Variants in ERGIC1 observed in about 807,000 individuals in gnomAD.
ERGIC1 encodes endoplasmic reticulum-Golgi intermediate compartment protein 1.
ERGIC1 carries 19 observed loss-of-function variants against 38.3 expected under a neutral mutation model. The ratio of observed to expected loss-of-function variants is 0.50; its 90% CI spans 0.35 to 0.73. The LOEUF is 0.73. Ranked by LOEUF, ERGIC1 falls within the 30% of genes least tolerant of loss-of-function variation. The pLI, the probability that ERGIC1 is intolerant of heterozygous loss-of-function variation, is 0.01. For missense variants in ERGIC1, 294 were observed against 389.2 expected (o/e 0.76, Z 2.06); for synonymous variants, 124 against 157.6 (o/e 0.79, Z 1.60).
rs761914365 is a variant in ERGIC1 at position 172,897,064 on chromosome 5, A to C, written c.145A>C (p.Thr49Pro). 2 of 1,614,002 alleles carry C rather than the reference A, an allele frequency of 1.2e-6. No individual in the cohort carries two copies. The highest frequency in any genetic ancestry group is 1.1e-5 in the South Asian group (1 of 91,070). ...CCTCTCGGAGCTCACCGGATTTATA[A>C]CGACAGAAGTGTAAGTCATACTTTC... is the stretch of plus-strand genomic sequence containing the variant. ...LFLSELTGFI[T>P]TEVVNELYVD... The change falls in exon 3 of 10, where the codon ACG (threonine) becomes CCG (proline). Residue 49 changes from threonine to proline, a missense_variant. Coordinates refer to ENST00000393784, the MANE Select transcript of ERGIC1 (RefSeq NM_001031711.3).
At chr5:172,920,555 A>T in intron 5 of ERGIC1, 1 of 670,048 alleles carries the variant, frequency 1.5e-6, no homozygotes, top group East Asian at 2.7e-5. Flanking sequence ...GTAGGTTCCT[A>T]AGTCACAGGC....
At chr5:172,915,471 G>C (rs1204253035) in intron 5 of ERGIC1, 1 of 429,786 alleles carries the variant, frequency 2.3e-6, no homozygotes, top group South Asian at 1.7e-5. Context: ...AAAGTACCTT[G>C]TCCGCTCAGA....
chr5:172,948,576 T>C (rs1047540846), intron 9 of ERGIC1, among the ~76,000 whole-genome samples: 9 of 152,166 alleles, frequency 5.9e-5, no homozygotes, highest in African/African-American at 1.7e-4. Context: ...ACATGCACTG[T>C]GTGACCTCGG....
In ERGIC1 at chr5:172,926,534, A is replaced by G. The variant is rs373981888; in HGVS notation, c.506A>G (p.Asn169Ser). 34 of 1,613,346 alleles carry G rather than the reference A, an allele frequency of 2.1e-5. No homozygotes were observed. The highest frequency in any genetic ancestry group is 1.6e-4 in the Middle Eastern group (1 of 6,084). ...LQVQNIHGAFNALGGADRLTS... is the reference protein window; with the variant it reads ...LQVQNIHGAFSALGGADRLTS... Reference sequence around the variant, plus strand: ...GTCCAGAACATCCACGGAGCTTTCAATGCTCTCGGGGGAGCAGACAGACTC... The same window carrying G: ...GTCCAGAACATCCACGGAGCTTTCAGTGCTCTCGGGGGAGCAGACAGACTC... The change falls in exon 7 of 10, where the codon AAT becomes AGT. Residue 169 changes from asparagine (N) to serine (S), a missense_variant. Physicochemically the swap from Asn to Ser is conservative, Grantham distance 46. Coordinates refer to ENST00000393784, the MANE Select transcript of ERGIC1 (RefSeq NM_001031711.3). This position sits in a 1 kb window ranked among gnomAD's most constrained non-coding sequence, Gnocchi z 5.2.
chr5:172,924,191 G>T lies in ERGIC1; in HGVS notation c.480+82G>T, dbSNP rs1184823973. ...CACCCAGTGCCCTCTGCCCTCTCTG[G>T]GCACTAGGAAGAGTTACCGTTAAGG... On this transcript the variant is annotated intron_variant, in intron 6 of 9. Transcript: ENST00000393784. The T allele has an allele frequency of 4.5e-6, 6 of 1,324,382 alleles. No individual in the cohort carries two copies. The Admixed American group carries it at 7.5e-5, about 17-fold the overall frequency. 82.0% of individuals were successfully genotyped at this position (1,324,382 alleles called of 1,614,324 possible). A position where few individuals can be genotyped will look rare whatever the true frequency, so the allele number is the denominator to read the frequency against.
intron 1 of ERGIC1, among the ~76,000 whole-genome samples, chr5:172,858,464 T>G (rs2113084160): frequency 6.6e-6 from 1 of 152,162 alleles, no homozygotes; most frequent in South Asian, 2.1e-4. Context: ...TCTGCGCATC[T>G]GCACACTAGG....
chr5:172,915,405 A>G, intron 5 of ERGIC1: 2 of 408,990 alleles, frequency 4.9e-6, no homozygotes, highest in Non-Finnish European at 9.9e-6. Flanking sequence ...AGCATCAGGG[A>G]TGCTAAGTGC....
At chr5:172,907,255 C>T (rs930073214) in intron 3 of ERGIC1, among the ~76,000 whole-genome samples, 3 of 152,224 alleles carry the variant, frequency 2.0e-5, no homozygotes, top group African/African-American at 7.2e-5. Context: ...TGGCTGTGCT[C>T]ATATCAAGCC....
intron 1 of ERGIC1, among the ~76,000 whole-genome samples, chr5:172,878,818 A>T (rs1762212961): frequency 6.6e-6 from 1 of 152,122 alleles, no homozygotes; most frequent in African/African-American, 2.4e-5. Flanking sequence ...GCATGCACAC[A>T]CATACACTAG....
At chr5:172,891,921 G>A (rs768406282) in intron 2 of ERGIC1, among the ~76,000 whole-genome samples, 9 of 152,148 alleles carry the variant, frequency 5.9e-5, no homozygotes, top group Admixed American at 1.3e-4. Flanking sequence ...GCTGACCTAC[G>A]GGGCCTGTGG....
intron 1 of ERGIC1, among the ~76,000 whole-genome samples, chr5:172,880,328 T>G (rs1762250221): frequency 6.6e-6 from 1 of 152,082 alleles, no homozygotes; most frequent in Non-Finnish European, 1.5e-5. Context: ...ATTATTATTT[T>G]ATTTACTTAT....
At chr5:172,872,908 G>A (rs115612689) in intron 1 of ERGIC1, among the ~76,000 whole-genome samples, 3,954 of 152,334 alleles carry the variant, frequency 0.026, 68 homozygotes, top group African/African-American at 0.033. Context: ...GAGGTCAAGG[G>A]ACACTTGGGG....
intron 3 of ERGIC1, among the ~76,000 whole-genome samples, chr5:172,900,809 G>C (rs945589320): frequency 2.0e-5 from 3 of 152,174 alleles, no homozygotes; most frequent in Non-Finnish European, 4.4e-5. Flanking sequence ...GAGGGAGGCA[G>C]AGATGAATAG....
chr5:172,920,247 C>G, intron 5 of ERGIC1: 1 of 706,472 alleles, frequency 1.4e-6, no homozygotes, highest in Non-Finnish European at 2.6e-6. Context: ...TCAAGAGGTG[C>G]TCAAAGAAGC....
intron 5 of ERGIC1, chr5:172,920,696 G>T: frequency 2.0e-6 from 1 of 491,906 alleles, no homozygotes; most frequent in Non-Finnish European, 3.7e-6. Flanking sequence ...AGGGGTGGCA[G>T]GTGCTGAGGG....
chr5:172,867,439 C>T (rs1045578402), intron 1 of ERGIC1: 1 of 396,192 alleles, frequency 2.5e-6, no homozygotes, highest in Non-Finnish European at 5.2e-6. Flanking sequence ...GTCCCTATTT[C>T]CACTCCTTGG....
chr5:172,861,761 A>G (rs934241838), intron 1 of ERGIC1, among the ~76,000 whole-genome samples: 7 of 152,294 alleles, frequency 4.6e-5, no homozygotes, highest in African/African-American at 1.7e-4. Flanking sequence ...TGACATTGCC[A>G]GGATAGCCTG....
intron 8 of ERGIC1, 125 bp downstream of exon 8, chr5:172,932,661 G>A: frequency 2.1e-6 from 2 of 934,464 alleles, no homozygotes; most frequent in Admixed American, 2.2e-5. Context: ...TTTCCTGGGG[G>A]TTAGCTTGGG....
rs1379052042 is a variant in ERGIC1 at position 172,923,998 on chromosome 5, C to T, written c.376-7C>T. ...CCAAACTCCTGAAACTCACATTTCT[C>T]CCCCAGGTCCCCGGCAACTTCCACG... On this transcript the variant is annotated splice_polypyrimidine_tract_variant and splice_region_variant and intron_variant, in intron 5 of 9. Coordinates refer to ENST00000393784, the MANE Select transcript of ERGIC1 (RefSeq NM_001031711.3). 4.0e-5 allele frequency: 64 copies of T among 1,613,664 alleles called. No individual in the cohort carries two copies. Among genetic ancestry groups the T allele is most frequent in the Non-Finnish European group, 5.4e-5 (64 of 1,179,764 alleles).
Sources: allele counts gnomAD v4.1 joint callset (sites outside exome capture counted in the v4.1 genomes callset), GRCh38; gene constraint gnomAD v4.1.1; non-coding constraint Gnocchi (gnomAD v3.1); transcripts MANE v1.5; gene names NCBI Gene and HGNC (gene_info 2026-07-23, HGNC 2026-07-21).